Variants in FRMD5 observed in about 807,000 individuals in gnomAD.
FRMD5 encodes the protein FERM domain containing 5.
In FRMD5, 20 loss-of-function variants were observed where a neutral mutation model predicts 69.0. The ratio of observed to expected loss-of-function variants is 0.29; its 90% CI spans 0.20 to 0.42. FRMD5 has a LOEUF of 0.42. FRMD5 is among the 10% of genes least tolerant of loss of function. FRMD5 has a pLI of 1.00. For synonymous variants in FRMD5, 271 were observed against 260.1 expected, an observed-to-expected ratio of 1.04 and a Z score of -0.40; for missense variants, 595 against 708.6, an observed-to-expected ratio of 0.84 and a Z score of 1.82.
At chr15:44,089,867 T>C (rs900197614) in intron 1 of FRMD5, among the ~76,000 whole-genome samples, 6 of 152,118 alleles carry the variant, frequency 3.9e-5, no homozygotes, top group Admixed American at 6.6e-5. Flanking sequence ...AAGTGCCTAT[T>C]ATAAAGCAGG....
intron 1 of FRMD5, among the ~76,000 whole-genome samples, chr15:44,113,976 G>C (rs1432541241): frequency 6.6e-6 from 1 of 152,030 alleles, no homozygotes; most frequent in African/African-American, 2.4e-5. Context: ...AACTAAACAT[G>C]AATCTAGAAA....
chr15:43,907,139 C>T (rs1754684335), intron 5 of FRMD5, among the ~76,000 whole-genome samples: 1 of 152,206 alleles, frequency 6.6e-6, no homozygotes, highest in Non-Finnish European at 1.5e-5. Context: ...GGGCCAGCTA[C>T]TCTGTGGGTG....
chr15:43,873,440 G>A lies in FRMD5; in HGVS notation c.*445C>T, dbSNP rs1424408385. The A allele has an allele frequency of 2.8e-6, 4 of 1,430,466 alleles. No homozygotes were observed. Among genetic ancestry groups the A allele is most frequent in the Non-Finnish European group, 3.6e-6 (4 of 1,102,210 alleles). 88.6% of individuals were successfully genotyped at this position (1,430,466 alleles called of 1,614,324 possible). Reference sequence around the variant, plus strand: ...AGTCTACTGGAACCCAGTGGCACCAGCAGGAAAAGCTCCTGCAGAATACAG... The same window carrying A: ...AGTCTACTGGAACCCAGTGGCACCAACAGGAAAAGCTCCTGCAGAATACAG... On this transcript the variant is annotated 3_prime_UTR_variant, in exon 14 of 14. Transcript: ENST00000417257.
chr15:43,980,675 C>G (rs1242657042), intron 1 of FRMD5, among the ~76,000 whole-genome samples: 1 of 152,174 alleles, frequency 6.6e-6, no homozygotes, highest in Non-Finnish European at 1.5e-5. Flanking sequence ...AACCACACAT[C>G]TGAAATCTGA....
At chr15:44,118,836 C>T (rs986315939) in intron 1 of FRMD5, among the ~76,000 whole-genome samples, 7 of 152,124 alleles carry the variant, frequency 4.6e-5, no homozygotes, top group East Asian at 1.9e-4. Context: ...AGTGCAGTGG[C>T]GCAATCACTG....
At chr15:43,997,443 T>C (rs971329225) in intron 1 of FRMD5, among the ~76,000 whole-genome samples, 2 of 152,208 alleles carry the variant, frequency 1.3e-5, no homozygotes, top group Non-Finnish European at 2.9e-5. Context: ...GCAAAGGATA[T>C]ATTCTTACCA....
chr15:44,181,077 T>C (rs150807388), intron 1 of FRMD5, among the ~76,000 whole-genome samples: 36 of 152,348 alleles, frequency 2.4e-4, no homozygotes, highest in African/African-American at 7.7e-4. Flanking sequence ...TCTTGGTCTG[T>C]TGCCCAGGCT....
intron 13 of FRMD5, 102 bp from the exon 14 acceptor site, chr15:43,874,564 A>G (rs187716057): frequency 0.015 from 12,242 of 803,718 alleles, 175 homozygotes; most frequent in Middle Eastern, 0.027. Context: ...GCACACCCAC[A>G]TGACCAGCAG....
intron 1 of FRMD5, among the ~76,000 whole-genome samples, chr15:44,124,279 C>T (rs1368411694): frequency 6.6e-6 from 1 of 151,780 alleles, no homozygotes; most frequent in Non-Finnish European, 1.5e-5. Context: ...AGGCGTGAGC[C>T]ACCGTGCCCA....
chr15:43,879,412 G>A (rs992186586), intron 13 of FRMD5: 7 of 397,846 alleles, frequency 1.8e-5, no homozygotes, highest in Non-Finnish European at 3.1e-5. Context: ...CCATTTCATC[G>A]AACCTGTTAT....
intron 1 of FRMD5, among the ~76,000 whole-genome samples, chr15:44,169,182 G>C (rs180973600): frequency 6.6e-6 from 1 of 151,914 alleles, no homozygotes; most frequent in Non-Finnish European, 1.5e-5. Flanking sequence ...TATTCCTGTC[G>C]CCTTTTCTTC....
At chr15:44,070,043 T>C (rs964171992) in intron 1 of FRMD5, among the ~76,000 whole-genome samples, 2 of 152,112 alleles carry the variant, frequency 1.3e-5, no homozygotes, top group Non-Finnish European at 2.9e-5. Flanking sequence ...TAATGACAAA[T>C]GGTAATTTAA....
chr15:43,980,010 A>C (rs1378596883), intron 1 of FRMD5, among the ~76,000 whole-genome samples: 2 of 152,238 alleles, frequency 1.3e-5, no homozygotes, highest in Non-Finnish European at 2.9e-5. Flanking sequence ...TCCAAGACCA[A>C]TGTGCTGCTC....
intron 1 of FRMD5, among the ~76,000 whole-genome samples, chr15:44,187,307 A>G (rs2078118326): frequency 6.6e-6 from 1 of 152,208 alleles, no homozygotes; most frequent in Non-Finnish European, 1.5e-5. Context: ...AATTAGATTT[A>G]ATTCAACACT....
intron 1 of FRMD5, among the ~76,000 whole-genome samples, chr15:44,125,341 C>T (rs1037955955): frequency 1.3e-5 from 2 of 152,048 alleles, no homozygotes; most frequent in African/African-American, 4.8e-5. Context: ...ATTTCATCCT[C>T]ATCTATGGGT....
chr15:44,163,431 T>C lies in FRMD5; in HGVS notation c.102+31522A>G, dbSNP rs374531481. On this transcript the variant is annotated intron_variant, in intron 1 of 13. Transcript: ENST00000417257. The stretch of plus-strand genomic sequence containing the variant: ...GAGGGGTTGGGCATTCTAATACTTT[T>C]TGAACGACTGAGTGGATAAATAATG... Among the ~76,000 whole-genome samples the C allele has an allele frequency of 5.9e-5, 9 of 152,304 alleles. No individual in the cohort carries two copies. In the East Asian group the frequency reaches 1.7e-3, roughly 29 times the overall value.
chr15:44,180,250 A>G (rs910566316), intron 1 of FRMD5, among the ~76,000 whole-genome samples: 3 of 152,166 alleles, frequency 2.0e-5, no homozygotes, highest in African/African-American at 7.2e-5. Context: ...ATTAAATGAA[A>G]GAATGCATAT....
chr15:43,938,627 T>C (rs2089805301), intron 1 of FRMD5, among the ~76,000 whole-genome samples: 1 of 152,182 alleles, frequency 6.6e-6, no homozygotes, highest in Admixed American at 6.5e-5. Context: ...TTGGATTCCT[T>C]AGACCTGGGC....
At chr15:43,949,346 C>T (rs909356040) in intron 1 of FRMD5, among the ~76,000 whole-genome samples, 1 of 152,196 alleles carries the variant, frequency 6.6e-6, no homozygotes, top group Admixed American at 6.5e-5. Flanking sequence ...GCTTTCCATC[C>T]CTTTTAAAAA....
Sources: gnomAD v4.1 joint callset for allele counts (sites outside exome capture counted in the v4.1 genomes callset) on GRCh38, gnomAD v4.1.1 for gene constraint, MANE v1.5 for transcripts, NCBI Gene and HGNC (gene_info 2026-07-23, HGNC 2026-07-21) for gene names.